NOM1: variants seen among roughly 807,000 people sequenced by gnomAD.
NOM1 encodes nucleolar protein with MIF4G domain 1.
A neutral mutation model predicts 73.3 loss-of-function variants in NOM1; 58 were observed. The ratio of observed to expected loss-of-function variants is 0.79; its 90% confidence interval spans 0.64 to 0.99. The LOEUF (loss-of-function observed/expected upper bound fraction) is 0.99, where lower values mean the gene tolerates loss of function less well. Ranked by LOEUF, NOM1 falls within the 50% of genes least tolerant of loss-of-function variation. The pLI, the probability that NOM1 is intolerant of heterozygous loss-of-function variation, is 0.00. For missense variants in NOM1, 1,226 were observed against 1,131.9 expected, an observed-to-expected ratio of 1.08 and a Z score of -1.19; for synonymous variants, 487 against 446.8, an observed-to-expected ratio of 1.09 and a Z score of -1.14.
intron 3 of NOM1, among the ~76,000 whole-genome samples, chr7:156,956,351 T>C (rs1055926042): frequency 1.2e-4 from 18 of 152,330 alleles, no homozygotes; most frequent in Non-Finnish European, 2.4e-4. Flanking sequence ...AACTTGTGCC[T>C]CCGAGTCTTC....
At chr7:156,962,305 T>C (rs1019584050) in intron 5 of NOM1, 44 bp downstream of exon 5, 1 of 1,447,850 alleles carries the variant, frequency 6.9e-7, no homozygotes. Flanking sequence ...AGAGCTTCCG[T>C]GTCGGCATGA....
In NOM1 at chr7:156,967,118, A is replaced by G. The variant is rs541831846; in HGVS notation, c.2298+26A>G. Reference sequence around the variant, plus strand: ...GTTCGTGTAACGTGTGAAAATATTGAAAGCAATGGAAATGGGAGTGTAATT... The same window carrying G: ...GTTCGTGTAACGTGTGAAAATATTGGAAGCAATGGAAATGGGAGTGTAATT... On this transcript the variant is annotated intron_variant, in intron 9 of 10. Transcript: ENST00000275820. 9 of 1,605,994 alleles carry G rather than the reference A, an allele frequency of 5.6e-6. No individual in the cohort carries two copies. In the South Asian group the frequency reaches 1.0e-4, roughly 18 times the overall value.
rs539003638 is a variant in NOM1 at position 156,965,750 on chromosome 7, T to C, written c.2034-520T>C. On this transcript the variant is annotated intron_variant, in intron 7 of 10. Coordinates refer to ENST00000275820, the MANE Select transcript of NOM1 (RefSeq NM_138400.2). ...GGCCAACATGGCAAAACCCCATCTC[T>C]ACTAAAAACACAAAAATTAGCTGGG... Among the ~76,000 whole-genome samples, 6 of 151,582 alleles carry C rather than the reference T, an allele frequency of 4.0e-5. No homozygotes were observed. In the South Asian group the frequency reaches 1.0e-3, roughly 26 times the overall value.
At chr7:156,954,531 T>C (rs1202358999) in intron 3 of NOM1, among the ~76,000 whole-genome samples, 1 of 76,334 alleles carries the variant, frequency 1.3e-5, no homozygotes, top group African/African-American at 4.6e-5. Context: ...TCTTTTTTTT[T>C]TTTTTTTTTT....
chr7:156,968,307 C>T (rs934356855), intron 9 of NOM1, among the ~76,000 whole-genome samples: 5 of 152,138 alleles, frequency 3.3e-5, no homozygotes, highest in African/African-American at 4.8e-5. Context: ...CACCCTCAGG[C>T]GTAGAGCTTT....
At chr7:156,969,496 G>T (rs1359428859) in intron 10 of NOM1, 33 bp from the exon 11 acceptor site, 1 of 1,588,920 alleles carries the variant, frequency 6.3e-7, no homozygotes, top group Non-Finnish European at 8.6e-7. Flanking sequence ...GGCCAGCTCA[G>T]CCCTGACATG....
intron 3 of NOM1, among the ~76,000 whole-genome samples, chr7:156,957,400 T>C (rs906652736): frequency 4.6e-5 from 7 of 152,222 alleles, no homozygotes; most frequent in Non-Finnish European, 8.8e-5. Flanking sequence ...TCTTAAATGT[T>C]ATGCTGTTAT....
Position 156,954,314 on chromosome 7 carries a change from T to C in NOM1, c.1308+16T>C. 6.4e-7 allele frequency: 1 copy of C among 1,558,646 alleles called. No homozygotes were observed. Among genetic ancestry groups the C allele is most frequent in the African/African-American group, 1.4e-5 (1 of 72,714 alleles). ...TGGAATCGAGGTACAGTTGTACCTT[T>C]TCTCCAGGCTGTCACTAGTGTCTCA... On this transcript the variant is annotated intron_variant, in intron 3 of 10. Coordinates refer to ENST00000275820, the MANE Select transcript of NOM1 (RefSeq NM_138400.2).
intron 9 of NOM1, among the ~76,000 whole-genome samples, chr7:156,968,598 A>T (rs1425036161): frequency 6.6e-6 from 1 of 151,382 alleles, no homozygotes; most frequent in African/African-American, 2.4e-5. Context: ...TTATATACTT[A>T]CTTATCCTAC....
At chr7:156,955,746 G>GAA (rs950216371) in intron 3 of NOM1, among the ~76,000 whole-genome samples, 2 of 152,222 alleles carry the variant, frequency 1.3e-5, no homozygotes, top group African/African-American at 4.8e-5. Flanking sequence ...AAAGTACACA[G>GAA]AACTTGTTTT....
rs1310891135 is a variant in NOM1 at position 156,963,444 on chromosome 7, G to A, written c.1911+269G>A. 1.5e-5 allele frequency: 8 copies of A among 516,252 alleles called. No homozygotes were observed. The East Asian group carries it at 2.8e-4, about 18-fold the overall frequency. The allele number at this position is 516,252 out of a possible 1,614,324, so 32.0% of individuals were successfully genotyped here. A position where few individuals can be genotyped will look rare whatever the true frequency, so the allele number is the denominator to read the frequency against. On this transcript the variant is annotated intron_variant, in intron 6 of 10. Coordinates refer to ENST00000275820, the MANE Select transcript of NOM1 (RefSeq NM_138400.2). ...CGCATGAGGACCTGAACGCTCACGG[G>A]GCAGGAGTCCGTTGCTGAGACCCCT...
intron 9 of NOM1, 101 bp downstream of exon 9, chr7:156,967,193 A>T: frequency 7.4e-7 from 1 of 1,357,332 alleles, no homozygotes; most frequent in East Asian, 2.4e-5. Flanking sequence ...ATTTTCTTCG[A>T]TTCTGATTCA....
In NOM1 at chr7:156,952,178, A is replaced by T. The variant is rs184950660; in HGVS notation, c.988-296A>T. Among the ~76,000 whole-genome samples, 86 of 152,240 alleles carry T rather than the reference A, an allele frequency of 5.6e-4. 1 individual carries two copies. The highest frequency in any genetic ancestry group is 1.9e-3 in the African/African-American group (79 of 41,536). ...AGCGCAGTAGATAGGGCTCTGTTGG[A>T]GTTGAGCAGATACCAGAGGTGCACA... On this transcript the variant is annotated intron_variant, in intron 1 of 10. Coordinates refer to ENST00000275820, the MANE Select transcript of NOM1 (RefSeq NM_138400.2).
In NOM1 at chr7:156,950,619, A is replaced by G. The variant is rs775126294; in HGVS notation, c.882A>G (p.Glu294=). ...DEDTEEEQGE[E]KEKGAQEKRR... is the part of the protein sequence containing the mutation. ...ATACAGAAGAGGAACAGGGGGAAGA[A>G]AAGGAAAAGGGAGCGCAGGAGAAAA... Residue 294 remains glutamate (E), a synonymous_variant, in exon 1 of 11, where the codon GAA becomes GAG. Coordinates refer to ENST00000275820, the MANE Select transcript of NOM1 (RefSeq NM_138400.2). 1.3e-6 allele frequency: 2 copies of G among 1,564,450 alleles called. No individual in the cohort carries two copies. Among genetic ancestry groups the G allele is most frequent in the South Asian group, 2.3e-5 (2 of 86,168 alleles).
At position 156,969,215 on chromosome 7, in the gene NOM1, C is replaced by G. The variant is rs150854186; in HGVS notation, c.2408+19C>G. 1.4e-3 allele frequency: 1,672 copies of G among 1,236,916 alleles called. 17 individuals are homozygous for G. In the African/African-American group the frequency reaches 0.02, roughly 15 times the overall value. 76.6% of individuals were successfully genotyped at this position (1,236,916 alleles called of 1,614,324 possible). A position where few individuals can be genotyped will look rare whatever the true frequency, so the allele number is the denominator to read the frequency against. On this transcript the variant is annotated intron_variant, in intron 10 of 10. Transcript: ENST00000275820. Reference sequence around the variant, plus strand: ...TCACAAGGTATGTGCCCCACCCTTTCCGACGAGACATGGAAGAGAAATGAA... The same window carrying G: ...TCACAAGGTATGTGCCCCACCCTTTGCGACGAGACATGGAAGAGAAATGAA...
chr7:156,960,317 T>G, intron 4 of NOM1, 143 bp downstream of exon 4: 1 of 668,722 alleles, frequency 1.5e-6, no homozygotes, highest in Non-Finnish European at 2.6e-6. Flanking sequence ...TTTTCTGGCT[T>G]TAATATGTGA....
Position 156,969,670 on chromosome 7 carries a change from G to T in NOM1, c.2550G>T (p.Lys850Asn). The T allele has an allele frequency of 6.2e-7, 1 of 1,612,464 alleles. No homozygotes were observed. Among genetic ancestry groups the T allele is most frequent in the African/African-American group, 1.3e-5 (1 of 75,022 alleles). Residue 850 changes from lysine (K) to asparagine (N), a missense_variant, in exon 11 of 11, where the codon AAG becomes AAT. Transcript: ENST00000275820. ...GAGAGAAAGCTGACCTTGCAACGAA[G>T]TGTCTGCAAGGAAAAGCTTCCCTGA... ...VLREKADLATKCLQGKASLRM is the reference protein window; with the variant it reads ...VLREKADLATNCLQGKASLRM
chr7:156,967,132 G>C, intron 9 of NOM1, 40 bp downstream of exon 9: 2 of 1,601,952 alleles, frequency 1.2e-6, no homozygotes, highest in Non-Finnish European at 1.7e-6. Flanking sequence ...CAATGGAAAT[G>C]GGAGTGTAAT....
At position 156,962,275 on chromosome 7, in the gene NOM1, C is replaced by T; in HGVS notation, c.1743+14C>T. 1.3e-6 allele frequency: 2 copies of T among 1,593,970 alleles called. No individual in the cohort carries two copies. Among genetic ancestry groups the T allele is most frequent in the Non-Finnish European group, 8.6e-7 (1 of 1,161,744 alleles). ...CAGAGAGCTTTGGTGAGTCAAGGAACTTTCAATTCTGTTTTGCTCAGAGCT... is the reference window on the plus strand; with the variant it reads ...CAGAGAGCTTTGGTGAGTCAAGGAATTTTCAATTCTGTTTTGCTCAGAGCT... On this transcript the variant is annotated intron_variant, in intron 5 of 10. Transcript: ENST00000275820.
Sources: gnomAD v4.1 joint callset for allele counts (sites outside exome capture counted in the v4.1 genomes callset) on GRCh38, gnomAD v4.1.1 for gene constraint, MANE v1.5 for transcripts, NCBI Gene and HGNC (gene_info 2026-07-23, HGNC 2026-07-21) for gene names.